Variants in XIRP2 observed in about 807,000 individuals in gnomAD.
The protein encoded by XIRP2 is xin actin-binding repeat-containing protein 2.
XIRP2 carries 236 observed loss-of-function variants against 277.0 expected under a neutral mutation model. The observed-to-expected ratio is 0.85, with a 90% confidence interval of 0.77 to 0.95. The LOEUF (loss-of-function observed/expected upper bound fraction) is 0.95. XIRP2 is among the 40% of genes least tolerant of loss of function. XIRP2 has a pLI of 0.00. For missense variants in XIRP2, 4,640 were observed against 4,157.5 expected (o/e 1.12, Z -3.19); for synonymous variants, 1,490 against 1,416.5 (o/e 1.05, Z -1.17).
At chr2:166,941,723 C>T (rs1193028788) in intron 2 of XIRP2, among the ~76,000 whole-genome samples, 2 of 152,064 alleles carry the variant, frequency 1.3e-5, no homozygotes, top group Non-Finnish European at 2.9e-5. Flanking sequence ...TTTCTTCTAT[C>T]CAACTATAAA....
intron 2 of XIRP2, among the ~76,000 whole-genome samples, chr2:166,999,011 C>T (rs1389625799): frequency 6.6e-6 from 1 of 152,056 alleles, no homozygotes; most frequent in East Asian, 1.9e-4. Context: ...TTCTTAAATT[C>T]AAAATTGATT....
At chr2:167,045,542 T>C (rs1421614715) in intron 2 of XIRP2, among the ~76,000 whole-genome samples, 3 of 151,428 alleles carry the variant, frequency 2.0e-5, no homozygotes, top group Non-Finnish European at 4.4e-5. Context: ...ATAAGGAACT[T>C]AAAGCACAAA....
chr2:166,891,364 G>T (rs1477430342), intron 1 of XIRP2, among the ~76,000 whole-genome samples: 1 of 152,124 alleles, frequency 6.6e-6, no homozygotes, highest in African/African-American at 2.4e-5. Flanking sequence ...AATTATGCAT[G>T]CATCCTATTA....
At chr2:167,092,369 G>A (rs1381681970) in intron 2 of XIRP2, among the ~76,000 whole-genome samples, 1 of 152,052 alleles carries the variant, frequency 6.6e-6, no homozygotes, top group Non-Finnish European at 1.5e-5. Flanking sequence ...GAGGAAGAAA[G>A]TCTTTACCAA....
intron 2 of XIRP2, among the ~76,000 whole-genome samples, chr2:167,112,566 A>C (rs905147958): frequency 7.1e-6 from 1 of 141,352 alleles, no homozygotes; most frequent in Admixed American, 6.8e-5. Flanking sequence ...ATATTTATAT[A>C]GAGATATATT....
chr2:167,077,133 G>A (rs545033385), intron 2 of XIRP2, among the ~76,000 whole-genome samples: 11 of 152,158 alleles, frequency 7.2e-5, no homozygotes, highest in Admixed American at 2.6e-4. Flanking sequence ...GATTACAGGC[G>A]TGAGCCACCA....
chr2:167,100,058 G>A (rs1052788513), intron 2 of XIRP2, among the ~76,000 whole-genome samples: 7 of 150,662 alleles, frequency 4.6e-5, no homozygotes, highest in Non-Finnish European at 1.0e-4. Context: ...GAAGACAAAC[G>A]AAATTTCACA....
intron 3 of XIRP2, among the ~76,000 whole-genome samples, chr2:167,152,181 C>G (rs1692035940): frequency 6.6e-6 from 1 of 152,070 alleles, no homozygotes; most frequent in Admixed American, 6.6e-5. Context: ...TGAGAAACAG[C>G]ACATGCAGCA....
At chr2:167,118,050 G>A (rs1202511065) in intron 2 of XIRP2, among the ~76,000 whole-genome samples, 1 of 152,076 alleles carries the variant, frequency 6.6e-6, no homozygotes, top group Non-Finnish European at 1.5e-5. Context: ...TACATATTTG[G>A]AAGTTTCTAT....
intron 2 of XIRP2, among the ~76,000 whole-genome samples, chr2:166,961,677 T>C (rs1686301449): frequency 6.6e-6 from 1 of 151,800 alleles, no homozygotes; most frequent in Admixed American, 6.6e-5. Context: ...GGACAGTGTG[T>C]CTGCCTAGAA....
chr2:167,243,493 C>T lies in XIRP2; in HGVS notation c.2101C>T (p.Leu701=). The change falls in exon 9 of 11, where the codon CTA becomes TTA. Residue 701 remains leucine, a synonymous_variant. Transcript: ENST00000409195. ...TVRYMFETQH[L]DQLGQLHSVD... is the part of the protein sequence containing the mutation. The stretch of plus-strand genomic sequence containing the variant: ...GAGATACATGTTTGAAACTCAACAT[C>T]TAGATCAACTTGGACAGCTTCATTC... 1 of 1,614,002 alleles carries T rather than the reference C, an allele frequency of 6.2e-7. No individual in the cohort carries two copies. The highest frequency in any genetic ancestry group is 1.7e-5 in the Admixed American group (1 of 60,010).
At chr2:167,253,954 T>A in intron 9 of XIRP2, 78 bp from the exon 10 acceptor site, 1 of 1,467,764 alleles carries the variant, frequency 6.8e-7, no homozygotes, top group Non-Finnish European at 9.1e-7. Context: ...CCAGTTAATA[T>A]GTGTTTTTGT....
At chr2:167,211,396 T>C (rs1694042748) in intron 4 of XIRP2, among the ~76,000 whole-genome samples, 2 of 152,132 alleles carry the variant, frequency 1.3e-5, no homozygotes, top group Non-Finnish European at 2.9e-5. Flanking sequence ...TGCCCAGCCC[T>C]GAACTACTAT....
At chr2:166,893,832 T>C (rs1482401652) in intron 1 of XIRP2, among the ~76,000 whole-genome samples, 1 of 152,142 alleles carries the variant, frequency 6.6e-6, no homozygotes, top group Non-Finnish European at 1.5e-5. Flanking sequence ...TGCTTTAAAC[T>C]TGAAATGCTG....
In XIRP2 at chr2:167,179,825, T is replaced by G. The variant is rs900181845; in HGVS notation, c.563-30910T>G. Among the ~76,000 whole-genome samples the G allele has an allele frequency of 1.9e-4, 29 of 151,986 alleles. No homozygotes were observed. The East Asian group carries it at 4.1e-3, about 21-fold the overall frequency. ...GGCCTAAATTTGTGTGTGTGTGTGTTTTTGTGGAGACAGGATCTCCCTATG... is the reference window on the plus strand; with the variant it reads ...GGCCTAAATTTGTGTGTGTGTGTGTGTTTGTGGAGACAGGATCTCCCTATG... On this transcript the variant is annotated intron_variant, in intron 3 of 10. Transcript: ENST00000409195.
chr2:167,187,610 A>G (rs1693195935), intron 3 of XIRP2: 1 of 902,368 alleles, frequency 1.1e-6, no homozygotes, highest in East Asian at 1.2e-4. Flanking sequence ...AAGGTCAATG[A>G]AGACCATAGG....
chr2:167,137,400 A>C (rs1187493861), intron 3 of XIRP2, among the ~76,000 whole-genome samples: 3 of 152,160 alleles, frequency 2.0e-5, no homozygotes, highest in Non-Finnish European at 4.4e-5. Context: ...GGCTGAATGC[A>C]AAAGAATTAG....
rs376196831 is a variant in XIRP2, at chr2:166,915,529, C to T, written c.408+11639C>T. On this transcript the variant is annotated intron_variant, in intron 2 of 10. Transcript: ENST00000409195. ...GGAACAGAACAGGAAGGTGAAAGTT[C>T]ATCCTTCTTCTTTGAAGCTTCCAGT... Among the ~76,000 whole-genome samples the T allele has an allele frequency of 7.2e-5, 11 of 152,160 alleles. No individual in the cohort carries two copies. In the South Asian group the frequency reaches 2.3e-3, roughly 32 times the overall value.
At chr2:166,925,046 T>A (rs1165855623) in intron 2 of XIRP2, among the ~76,000 whole-genome samples, 1 of 152,068 alleles carries the variant, frequency 6.6e-6, no homozygotes, top group African/African-American at 2.4e-5. Context: ...AGGCCTGCCC[T>A]ACCAACATGT....
Sources: gnomAD v4.1 joint callset for allele counts (sites outside exome capture counted in the v4.1 genomes callset) on GRCh38, gnomAD v4.1.1 for gene constraint, MANE v1.5 for transcripts, NCBI Gene and HGNC (gene_info 2026-07-23, HGNC 2026-07-21) for gene names.